LGSN: variants seen among roughly 807,000 people sequenced by gnomAD.
LGSN encodes lengsin, lens protein with glutamine synthetase domain.
A neutral mutation model predicts 19.5 loss-of-function variants in LGSN; 21 were observed. That is an observed-to-expected ratio of 1.07 (90% CI 0.76 to 1.55). LGSN has a LOEUF of 1.55. Ranked by LOEUF, LGSN falls within the 40% of genes most tolerant of loss-of-function variation. The pLI is 0.00. For missense variants in LGSN, 673 were observed against 608.5 expected, an observed-to-expected ratio of 1.11 and a Z score of -1.12; for synonymous variants, 257 against 215.6, an observed-to-expected ratio of 1.19 and a Z score of -1.68.
the LGSN span, among the ~76,000 whole-genome samples, chr6:63,490,796 G>A: frequency 6.6e-6 from 1 of 152,128 alleles, no homozygotes; most frequent in Non-Finnish European, 1.5e-5. Flanking sequence ...TCTGCAAGCT[G>A]GATGCACAGG....
the LGSN span, among the ~76,000 whole-genome samples, chr6:63,406,299 T>TA: frequency 6.6e-6 from 1 of 152,146 alleles, no homozygotes; most frequent in African/African-American, 2.4e-5. Flanking sequence ...TCAGCAAATG[T>TA]AAAAGAACAG....
At chr6:63,560,899 C>G in the LGSN span, among the ~76,000 whole-genome samples, 1 of 152,050 alleles carries the variant, frequency 6.6e-6, no homozygotes, top group Admixed American at 6.6e-5. Flanking sequence ...CTTGAAGTAG[C>G]CATCAGAATG....
the LGSN span, among the ~76,000 whole-genome samples, chr6:63,358,526 TCTC>T: frequency 9.2e-5 from 14 of 152,134 alleles, no homozygotes; most frequent in Admixed American, 3.3e-4. Context: ...GGTTTGTAGT[TCTC>T]CTTGAAGAGG....
At chr6:63,283,697 TTTTTTTA>T (rs1298359195) in intron 3 of LGSN, among the ~76,000 whole-genome samples, 1 of 151,744 alleles carries the variant, frequency 6.6e-6, no homozygotes, top group Non-Finnish European at 1.5e-5. Context: ...AGATGAATCT[TTTTTTTA>T]TTTTTTATTT....
the LGSN span, among the ~76,000 whole-genome samples, chr6:63,385,072 T>C: frequency 1.4e-4 from 22 of 152,310 alleles, no homozygotes; most frequent in South Asian, 4.1e-4. Context: ...GAAAATAAAT[T>C]TCTGTTCTTT....
At chr6:63,442,965 C>A in the LGSN span, among the ~76,000 whole-genome samples, 6 of 152,236 alleles carry the variant, frequency 3.9e-5, no homozygotes, top group African/African-American at 4.8e-5. Context: ...ACTCCTCAAC[C>A]CTTGGCGATG....
the LGSN span, among the ~76,000 whole-genome samples, chr6:63,432,372 GGCT>G: frequency 3.9e-5 from 6 of 152,046 alleles, no homozygotes; most frequent in African/African-American, 1.4e-4. Context: ...ATATAGATAG[GGCT>G]GCTATGTGTC....
the LGSN span, among the ~76,000 whole-genome samples, chr6:63,514,824 C>G: frequency 1.3e-5 from 2 of 152,098 alleles, no homozygotes; most frequent in Non-Finnish European, 2.9e-5. Context: ...CTTCAGCCTT[C>G]CTAGTAGCTG....
At chr6:63,385,842 A>G in the LGSN span, among the ~76,000 whole-genome samples, 150 of 152,294 alleles carry the variant, frequency 9.8e-4, 2 homozygotes, top group African/African-American at 3.3e-3. Flanking sequence ...GGTCAACCCA[A>G]TACATATATC....
the LGSN span, among the ~76,000 whole-genome samples, chr6:63,463,081 G>A: frequency 1.1e-4 from 16 of 152,304 alleles, no homozygotes; most frequent in African/African-American, 3.4e-4. Context: ...ACTGAAGCTA[G>A]ACACTTGAGT....
chr6:63,491,880 T>C, the LGSN span, among the ~76,000 whole-genome samples: 2 of 151,958 alleles, frequency 1.3e-5, no homozygotes, highest in Non-Finnish European at 2.9e-5. Flanking sequence ...ATACAAAAAA[T>C]TAGCCGGGCG....
chr6:63,491,261 T>C, the LGSN span, among the ~76,000 whole-genome samples: 27 of 152,170 alleles, frequency 1.8e-4, no homozygotes, highest in African/African-American at 6.3e-4. Context: ...TGTAAGTCAG[T>C]GTGCTCCCTG....
chr6:63,361,718 A>G, the LGSN span, among the ~76,000 whole-genome samples: 2 of 152,158 alleles, frequency 1.3e-5, no homozygotes, highest in Non-Finnish European at 2.9e-5. Context: ...TCAGTTGGAA[A>G]TGCAGAAATC....
At chr6:63,336,199 A>G in the LGSN span, among the ~76,000 whole-genome samples, 1 of 152,308 alleles carries the variant, frequency 6.6e-6, no homozygotes, top group South Asian at 2.1e-4. Context: ...AAAGTTAACA[A>G]CAATGTTTTG....
At chr6:63,520,630 CAAATAAATAAATAAAT>C in the LGSN span, among the ~76,000 whole-genome samples, 133 of 139,078 alleles carry the variant, frequency 9.6e-4, no homozygotes, top group Admixed American at 6.0e-3. Context: ...GACTCTGTCT[CAAATAAATAAATAAAT>C]AAATAAATAA....
chr6:63,525,410 C>T, the LGSN span, among the ~76,000 whole-genome samples: 9 of 152,146 alleles, frequency 5.9e-5, no homozygotes, highest in African/African-American at 1.4e-4. Flanking sequence ...CACTCCTTCC[C>T]GTTTGCTTGC....
intron 1 of LGSN, among the ~76,000 whole-genome samples, chr6:63,309,805 A>C (rs748689195): frequency 2.6e-5 from 4 of 152,272 alleles, no homozygotes; most frequent in Non-Finnish European, 4.4e-5. Context: ...TGAATTTATT[A>C]TTCCTATTTA....
chr6:63,412,555 A>G, the LGSN span, among the ~76,000 whole-genome samples: 214 of 138,860 alleles, frequency 1.5e-3, 3 homozygotes, highest in African/African-American at 2.2e-3. Context: ...AGAAAGAAAG[A>G]AAGAAAGAAA....
chr6:63,514,792 C>G, the LGSN span, among the ~76,000 whole-genome samples: 1 of 152,102 alleles, frequency 6.6e-6, no homozygotes, highest in African/African-American at 2.4e-5. Context: ...CCTCAACCTC[C>G]TGGGCTCCAG....
Sources: gnomAD v4.1 joint callset for allele counts (sites outside exome capture counted in the v4.1 genomes callset) on GRCh38, gnomAD v4.1.1 for gene constraint, MANE v1.5 for transcripts, NCBI Gene and HGNC (gene_info 2026-07-23, HGNC 2026-07-21) for gene names.